NEBL: variants seen among roughly 807,000 people sequenced by gnomAD.
NEBL encodes the protein nebulette, also known as LIM and SH3 protein 2.
Under a neutral mutation model 140.2 loss-of-function variants are expected in NEBL, and 122 were observed. That is an observed-to-expected ratio of 0.87 (90% CI 0.75 to 1.01). NEBL has a LOEUF of 1.01. NEBL is among the 50% of genes least tolerant of loss of function. NEBL has a pLI of 0.00. For missense variants in NEBL, 1,365 were observed against 1,231.3 expected, an observed-to-expected ratio of 1.11 and a Z score of -1.62; for synonymous variants, 436 against 398.9, an observed-to-expected ratio of 1.09 and a Z score of -1.11.
chr10:21,134,375 T>G (rs1456314242), intron 2 of NEBL, among the ~76,000 whole-genome samples: 1 of 152,216 alleles, frequency 6.6e-6, no homozygotes, highest in Non-Finnish European at 1.5e-5. Context: ...TATTTTTGTT[T>G]CCAGATCATT....
rs370425241 is a variant in NEBL at position 20,991,771 on chromosome 10, C to A, written c.249+28346G>T. ...CCTTTGCTCCCTCCCTCCCTCCCCC[C>A]CTCCCCTTTTTGGAATCCCCAGTGT... On this transcript the variant is annotated intron_variant, in intron 3 of 6. Transcript: ENST00000417816. Among the ~76,000 whole-genome samples the A allele has an allele frequency of 4.0e-5, 6 of 150,132 alleles. No individual in the cohort carries two copies. In the East Asian group the frequency reaches 9.9e-4, roughly 25 times the overall value.
At chr10:21,271,129 C>T (rs543606402) in intron 1 of NEBL, among the ~76,000 whole-genome samples, 1 of 152,142 alleles carries the variant, frequency 6.6e-6, no homozygotes, top group East Asian at 1.9e-4. Flanking sequence ...ATGACTAGAT[C>T]AAGAAAATGT....
At chr10:20,842,002 A>T (rs546911900) in intron 12 of NEBL, among the ~76,000 whole-genome samples, 9 of 152,124 alleles carry the variant, frequency 5.9e-5, no homozygotes, top group Non-Finnish European at 1.2e-4. Flanking sequence ...TTCTTACTTA[A>T]TTGCGTATGA....
intron 2 of NEBL, among the ~76,000 whole-genome samples, chr10:21,102,630 T>C (rs1024581934): frequency 1.3e-5 from 2 of 152,244 alleles, no homozygotes; most frequent in Non-Finnish European, 2.9e-5. Flanking sequence ...TTCATTCTTT[T>C]GAGAGTCATT....
At chr10:20,845,420 GAA>G (rs1841824985) in intron 11 of NEBL, 52 bp from the exon 12 acceptor site, 1 of 1,152,196 alleles carries the variant, frequency 8.7e-7, no homozygotes, top group Admixed American at 1.7e-5. Context: ...AGTGACCATT[GAA>G]AAGAGATTTG....
intron 4 of NEBL, among the ~76,000 whole-genome samples, chr10:20,923,636 A>ACCACTGCACT (rs1833710782): frequency 7.7e-6 from 1 of 130,208 alleles, no homozygotes; most frequent in African/African-American, 2.8e-5. Flanking sequence ...CCGAAATCAT[A>ACCACTGCACT]CCACTGCACT....
intron 2 of NEBL, among the ~76,000 whole-genome samples, chr10:21,127,553 A>G (rs1332257769): frequency 6.6e-6 from 1 of 151,152 alleles, no homozygotes; most frequent in Non-Finnish European, 1.5e-5. Flanking sequence ...CTATACAGCA[A>G]TCTTGCCTAG....
chr10:21,094,996 C>G (rs1214891223), intron 2 of NEBL, among the ~76,000 whole-genome samples: 3 of 152,178 alleles, frequency 2.0e-5, no homozygotes, highest in Non-Finnish European at 4.4e-5. Flanking sequence ...TGCCTATATC[C>G]ATAGTAGTGT....
chr10:20,859,861 C>G (rs752214677), intron 7 of NEBL, 35 bp from the exon 8 acceptor site: 2 of 992,158 alleles, frequency 2.0e-6, no homozygotes, highest in Admixed American at 2.0e-5. Context: ...TGTAACTTTA[C>G]ATTTAAAAGT....
chr10:21,075,271 T>C (rs1836013043), intron 2 of NEBL, among the ~76,000 whole-genome samples: 1 of 152,226 alleles, frequency 6.6e-6, no homozygotes, highest in South Asian at 2.1e-4. Flanking sequence ...TTTAAAACGC[T>C]GAGGGCAAAT....
intron 2 of NEBL, among the ~76,000 whole-genome samples, chr10:21,021,711 A>G (rs1838800781): frequency 6.6e-6 from 1 of 152,132 alleles, no homozygotes; most frequent in Non-Finnish European, 1.5e-5. Context: ...GCTAATGCTT[A>G]TCTTGCTCAT....
intron 2 of NEBL, among the ~76,000 whole-genome samples, chr10:21,107,910 T>C (rs1208903214): frequency 6.6e-6 from 1 of 152,210 alleles, no homozygotes; most frequent in Non-Finnish European, 1.5e-5. Flanking sequence ...GGTGTATGTG[T>C]CCAGGAATTT....
chr10:20,864,161 T>C (rs1225995677), intron 7 of NEBL, among the ~76,000 whole-genome samples: 2 of 152,168 alleles, frequency 1.3e-5, no homozygotes, highest in East Asian at 1.9e-4. Flanking sequence ...CTATTCATCA[T>C]ATAGACAAAT....
chr10:21,216,106 C>T (rs1841988943), intron 3 of NEBL, among the ~76,000 whole-genome samples: 1 of 152,160 alleles, frequency 6.6e-6, no homozygotes. Flanking sequence ...GTCAAGTTGC[C>T]ACGGTATGCA....
chr10:20,922,227 A>T (rs1564444414), intron 4 of NEBL, among the ~76,000 whole-genome samples: 1 of 152,146 alleles, frequency 6.6e-6, no homozygotes, highest in Non-Finnish European at 1.5e-5. Context: ...CTGAGAATTA[A>T]ATGATTCTGT....
intron 3 of NEBL, among the ~76,000 whole-genome samples, chr10:21,209,539 T>C (rs564382939): frequency 1.6e-3 from 237 of 152,126 alleles, no homozygotes; most frequent in African/African-American, 5.3e-3. Context: ...GAAGTATATG[T>C]CCCAGTGACC....
intron 8 of NEBL, 152 bp from the exon 9 acceptor site, chr10:20,858,496 T>A (rs1363636013): frequency 7.3e-6 from 5 of 684,804 alleles, no homozygotes; most frequent in African/African-American, 1.8e-5. Flanking sequence ...GCTGATTTAC[T>A]ACTGAATGAA....
At chr10:21,276,957 A>G (rs1474714343) in intron 1 of NEBL, among the ~76,000 whole-genome samples, 1 of 150,458 alleles carries the variant, frequency 6.6e-6, no homozygotes, top group Non-Finnish European at 1.5e-5. Flanking sequence ...TGATAGAGTG[A>G]GACTGTCTCA....
intron 2 of NEBL, among the ~76,000 whole-genome samples, chr10:21,166,234 AAAAAAAAAAAAG>A (rs1379604992): frequency 8.7e-6 from 1 of 114,950 alleles, no homozygotes; most frequent in African/African-American, 4.1e-5. Context: ...AAAAAAAAAA[AAAAAAAAAAAAG>A]AAAAGAAAAA....
Sources: allele counts gnomAD v4.1 joint callset (sites outside exome capture counted in the v4.1 genomes callset), GRCh38; gene constraint gnomAD v4.1.1; transcripts MANE v1.5; gene names NCBI Gene and HGNC (gene_info 2026-07-23, HGNC 2026-07-21).